The following NR3C2 variants were observed in gnomAD, a reference collection of about 807,000 sequenced individuals.
NR3C2 encodes mineralocorticoid receptor.
Under a neutral mutation model 86.4 loss-of-function variants are expected in NR3C2, and 15 were observed. The observed-to-expected ratio is 0.17, with a 90% CI of 0.12 to 0.27. NR3C2 has a LOEUF of 0.27. Among genes scored for constraint, NR3C2 ranks in the 10% least tolerant of loss-of-function variants. The pLI, the probability that NR3C2 is intolerant of heterozygous loss-of-function variation, is 1.00. For missense variants in NR3C2, 960 were observed against 1,195.6 expected (o/e 0.80, Z 2.91); for synonymous variants, 458 against 450.5 (o/e 1.02, Z -0.21).
chr4:148,382,770 T>C (rs1269930309), intron 2 of NR3C2, among the ~76,000 whole-genome samples: 1 of 152,204 alleles, frequency 6.6e-6, no homozygotes, highest in Admixed American at 6.5e-5. Flanking sequence ...GGTTACCTAC[T>C]GTCAACTAAG....
intron 8 of NR3C2, among the ~76,000 whole-genome samples, chr4:148,095,498 C>T (rs548240409): frequency 6.6e-4 from 101 of 152,340 alleles, no homozygotes; most frequent in Admixed American, 1.4e-3. Context: ...TCCTGGCAGG[C>T]TCTCTGAGTG....
chr4:148,271,484 C>T (rs958352098), intron 2 of NR3C2, among the ~76,000 whole-genome samples: 2 of 152,038 alleles, frequency 1.3e-5, no homozygotes, highest in Admixed American at 6.6e-5. Flanking sequence ...CTAAGATTTT[C>T]GGCACACACT....
rs561526506 is a variant in NR3C2 at position 148,156,983 on chromosome 4, G to T, written c.2015-2082C>A. 1.3e-4 allele frequency among the ~76,000 whole-genome samples: 20 copies of T among 151,912 alleles called. No individual in the cohort carries two copies. The South Asian group carries it at 4.2e-3, about 32-fold the overall frequency. Reference sequence around the variant, plus strand: ...TGGAATACTATGCAGCCATAAAAAAGGATGAGTTCATGTCCTTTACAGGGA... The same window carrying T: ...TGGAATACTATGCAGCCATAAAAAATGATGAGTTCATGTCCTTTACAGGGA... On this transcript the variant is annotated intron_variant, in intron 4 of 8. Coordinates refer to ENST00000358102, the MANE Select transcript of NR3C2 (RefSeq NM_000901.5).
At chr4:148,365,271 T>C (rs4293768) in intron 2 of NR3C2, among the ~76,000 whole-genome samples, 31,431 of 152,136 alleles carry the variant, frequency 0.21, 3,454 homozygotes, top group Non-Finnish European at 0.24. Flanking sequence ...ATTTTGACTG[T>C]GACCTCTCAC....
At chr4:148,440,021 C>T (rs774651104) in intron 1 of NR3C2, among the ~76,000 whole-genome samples, 18 of 152,178 alleles carry the variant, frequency 1.2e-4, no homozygotes, top group Middle Eastern at 3.2e-3. Flanking sequence ...ACAGGAGTCT[C>T]ATTAAGGAAT....
At chr4:148,228,707 A>G (rs1344289257) in intron 3 of NR3C2, among the ~76,000 whole-genome samples, 4 of 152,240 alleles carry the variant, frequency 2.6e-5, no homozygotes, top group Admixed American at 6.5e-5. Context: ...TTGAAAACAT[A>G]GTAAAGCAGA....
At chr4:148,381,434 T>C (rs536377280) in intron 2 of NR3C2, among the ~76,000 whole-genome samples, 11 of 152,288 alleles carry the variant, frequency 7.2e-5, no homozygotes, top group African/African-American at 2.4e-4. Context: ...AAAACCTACT[T>C]CTGTGACCCT....
intron 3 of NR3C2, among the ~76,000 whole-genome samples, chr4:148,224,991 G>T (rs557251032): frequency 6.6e-6 from 1 of 152,270 alleles, no homozygotes; most frequent in East Asian, 1.9e-4. Flanking sequence ...GATGAACAAA[G>T]AGCAGCTTAT....
At position 148,436,161 on chromosome 4, in the gene NR3C2, G is replaced by C; in HGVS notation, c.700C>G (p.Pro234Ala). ...TCAACATTAGGGGAGCATGTCAGAG[G>C]AGTTCCCTGGGTGATTGGGCTGTGC... ...PVHSPITQGT[P>A]LTCSPNVENR... The change falls in exon 2 of 9, where the codon CCT becomes GCT. Residue 234 changes from proline to alanine, a missense_variant. Coordinates refer to ENST00000358102, the MANE Select transcript of NR3C2 (RefSeq NM_000901.5). 1 of 1,614,186 alleles carries C rather than the reference G, an allele frequency of 6.2e-7. No homozygotes were observed. The highest frequency in any genetic ancestry group is 8.5e-7 in the Non-Finnish European group (1 of 1,180,028).
At chr4:148,105,101 T>C (rs571297825) in intron 8 of NR3C2, among the ~76,000 whole-genome samples, 14 of 152,324 alleles carry the variant, frequency 9.2e-5, no homozygotes, top group Non-Finnish European at 1.6e-4. Context: ...AGTGTGATCC[T>C]GAGGGAAATT....
intron 3 of NR3C2, among the ~76,000 whole-genome samples, chr4:148,249,303 C>CA: frequency 6.7e-6 from 1 of 150,056 alleles, no homozygotes; most frequent in African/African-American, 2.5e-5. Context: ...TTCCCCCCGA[C>CA]CAAAAAAAAA....
rs558161604 is a variant in NR3C2 at position 148,403,715 on chromosome 4, G to C, written c.1757+31389C>G. On this transcript the variant is annotated intron_variant, in intron 2 of 8. Transcript: ENST00000358102. ...TTTTAAATGTCCTAAATAATATAAA[G>C]AGGAAAGTAAGTACCAGTGTAGAAG... 6.4e-4 allele frequency among the ~76,000 whole-genome samples: 97 copies of C among 152,156 alleles called. 1 individual carries two copies. The highest frequency in any genetic ancestry group is 2.3e-3 in the African/African-American group (94 of 41,548).
At chr4:148,310,187 T>C (rs1263792238) in intron 2 of NR3C2, among the ~76,000 whole-genome samples, 1 of 152,212 alleles carries the variant, frequency 6.6e-6, no homozygotes, top group African/African-American at 2.4e-5. Flanking sequence ...TTCATTCCAG[T>C]GTATTTTAAT....
At chr4:148,345,786 C>T (rs1034227661) in intron 2 of NR3C2, among the ~76,000 whole-genome samples, 9 of 151,952 alleles carry the variant, frequency 5.9e-5, no homozygotes, top group African/African-American at 1.7e-4. Flanking sequence ...TAAATATTCA[C>T]GAAATACTGA....
At chr4:148,312,701 C>T (rs1034407935) in intron 2 of NR3C2, among the ~76,000 whole-genome samples, 1 of 152,164 alleles carries the variant, frequency 6.6e-6, no homozygotes, top group African/African-American at 2.4e-5. Flanking sequence ...AATAATGTCA[C>T]ATTAATTCAA....
At chr4:148,200,087 G>T (rs1443327513) in intron 3 of NR3C2, among the ~76,000 whole-genome samples, 1 of 152,234 alleles carries the variant, frequency 6.6e-6, no homozygotes, top group Non-Finnish European at 1.5e-5. Flanking sequence ...GCCCAAGGAA[G>T]GCTGAGACAC....
intron 2 of NR3C2, among the ~76,000 whole-genome samples, chr4:148,376,852 T>G (rs993101364): frequency 9.2e-5 from 14 of 152,184 alleles, no homozygotes; most frequent in African/African-American, 3.4e-4. Context: ...TTATTTTCAG[T>G]AATGAAAACT....
intron 2 of NR3C2, among the ~76,000 whole-genome samples, chr4:148,398,420 T>A (rs1747970916): frequency 2.0e-5 from 3 of 152,196 alleles, no homozygotes; most frequent in Non-Finnish European, 4.4e-5. Context: ...CCTTAAAGTA[T>A]CCAAGTAGAT....
chr4:148,300,605 T>TC (rs35476181), intron 2 of NR3C2, among the ~76,000 whole-genome samples: 1 of 151,362 alleles, frequency 6.6e-6, no homozygotes, highest in African/African-American at 2.4e-5. Flanking sequence ...TTTTTTTTTT[T>TC]TGACAGAGTT....
Sources: allele counts gnomAD v4.1 joint callset (sites outside exome capture counted in the v4.1 genomes callset), GRCh38; gene constraint gnomAD v4.1.1; transcripts MANE v1.5; gene names NCBI Gene and HGNC (gene_info 2026-07-23, HGNC 2026-07-21).